Variants in OCLN observed in about 807,000 individuals in gnomAD.
OCLN encodes the protein occludin, also known as phosphatase 1, regulatory subunit 115.
In OCLN, 21 loss-of-function variants were observed where a neutral mutation model predicts 47.9. That is an observed-to-expected ratio of 0.44 (90% CI 0.31 to 0.63). The LOEUF (loss-of-function observed/expected upper bound fraction) is 0.63. OCLN is among the 30% of genes least tolerant of loss of function. The pLI, the probability that OCLN is intolerant of heterozygous loss-of-function variation, is 0.08. For synonymous variants in OCLN, 117 were observed against 198.4 expected (o/e 0.59, Z 3.45); for missense variants, 360 against 571.0 (o/e 0.63, Z 3.77).
At chr5:69,533,897 T>G (rs919537101) in intron 4 of OCLN, among the ~76,000 whole-genome samples, 2 of 152,180 alleles carry the variant, frequency 1.3e-5, no homozygotes, top group East Asian at 1.9e-4. Flanking sequence ...CCTGACCTCA[T>G]GATCCACCCG....
chr5:69,547,596 A>G (rs1769744147), intron 6 of OCLN, among the ~76,000 whole-genome samples: 1 of 138,356 alleles, frequency 7.2e-6, no homozygotes, highest in African/African-American at 2.8e-5. Flanking sequence ...GAAAAGAAAA[A>G]CTTTATAAAC....
At chr5:69,526,145 C>T (rs1377574416) in intron 4 of OCLN, among the ~76,000 whole-genome samples, 1 of 152,156 alleles carries the variant, frequency 6.6e-6, no homozygotes, top group African/African-American at 2.4e-5. Context: ...ATTGAAACAG[C>T]CCACTCACTC....
At chr5:69,514,151 C>A in intron 4 of OCLN, 42 bp downstream of exon 4, 1 of 1,547,820 alleles carries the variant, frequency 6.5e-7, no homozygotes, top group Non-Finnish European at 8.9e-7. Flanking sequence ...ATTAAAGCCC[C>A]AAATTTGTGT....
At chr5:69,515,253 C>T (rs1201612016) in intron 4 of OCLN, among the ~76,000 whole-genome samples, 6 of 143,436 alleles carry the variant, frequency 4.2e-5, no homozygotes, top group Admixed American at 2.7e-4. Flanking sequence ...CCTAACCTCC[C>T]GGATGGGGCG....
Position 69,496,288 on chromosome 5 carries a change from C to T in OCLN, c.-69+3388C>T, listed in dbSNP as rs569683348. On this transcript the variant is annotated intron_variant, in intron 1 of 8. Coordinates refer to ENST00000396442, the MANE Select transcript of OCLN (RefSeq NM_001205254.2). ...TAATTTTTTGTATTTTTAATAGAGG[C>T]GGGGTTTCACTGTGTTAGCGGGGAT... 2.1e-4 allele frequency among the ~76,000 whole-genome samples: 32 copies of T among 151,934 alleles called. No homozygotes were observed. The East Asian group carries it at 2.3e-3, about 11-fold the overall frequency.
intron 4 of OCLN, among the ~76,000 whole-genome samples, chr5:69,519,558 TC>T (rs1231853182): frequency 3.9e-5 from 6 of 152,226 alleles, no homozygotes; most frequent in Non-Finnish European, 7.3e-5. Context: ...TTATAGTCAC[TC>T]AGATGGATAC....
rs1307504918 is a variant in OCLN at position 69,539,614 on chromosome 5, A to AC, written c.1037+4782dup. Among the ~76,000 whole-genome samples, 3 of 25,324 alleles carry AC rather than the reference A, an allele frequency of 1.2e-4. 1 individual carries two copies. The highest frequency in any genetic ancestry group is 1.8e-4 in the Non-Finnish European group (2 of 11,260). The allele number at this position is 25,324 out of a possible 152,430, so 16.6% of individuals were successfully genotyped here. Reference sequence around the variant, plus strand: ...CTGGCCAAAGTACATTGATTCCCCCACCCCCCCTTAAAATACTAGCATACC... The same window carrying AC: ...CTGGCCAAAGTACATTGATTCCCCCACCCCCCCCTTAAAATACTAGCATACC... On this transcript the variant is annotated intron_variant, in intron 5 of 8. Transcript: ENST00000396442.
chr5:69,523,921 C>T (rs762098942), intron 4 of OCLN, among the ~76,000 whole-genome samples: 9 of 152,054 alleles, frequency 5.9e-5, no homozygotes, highest in African/African-American at 1.9e-4. Flanking sequence ...GACCAAGGTG[C>T]GTAGATCAGT....
intron 1 of OCLN, among the ~76,000 whole-genome samples, chr5:69,501,731 G>A (rs1768464176): frequency 6.6e-6 from 1 of 152,136 alleles, no homozygotes. Flanking sequence ...CTTTAAAAGT[G>A]GCTTTTAAAA....
At chr5:69,518,879 T>C (rs112525315) in intron 4 of OCLN, among the ~76,000 whole-genome samples, 30 of 152,154 alleles carry the variant, frequency 2.0e-4, no homozygotes, top group African/African-American at 7.2e-4. Context: ...GAAAAACTCA[T>C]GTCTGTAATC....
At chr5:69,522,678 G>A (rs1769170977) in intron 4 of OCLN, among the ~76,000 whole-genome samples, 1 of 151,804 alleles carries the variant, frequency 6.6e-6, no homozygotes, top group Admixed American at 6.6e-5. Flanking sequence ...CAGAAAAGTT[G>A]CAATTATAGT....
Position 69,553,605 on chromosome 5 carries a change from G to A in OCLN, c.1503G>A (p.Lys501=), listed in dbSNP as rs1769892421. The A allele has an allele frequency of 2.5e-6, 4 of 1,613,962 alleles. No individual in the cohort carries two copies. Among genetic ancestry groups the A allele is most frequent in the Non-Finnish European group, 3.4e-6 (4 of 1,179,986 alleles). Residue 501 remains lysine (K), a synonymous_variant, in exon 9 of 9, where the codon AAG becomes AAA. Transcript: ENST00000396442. ...ACAAAAGTAAGAAGAATCATTGCAA[G>A]CAGTTAAAGAGCAAATTGTCACACA... ...ADYKSKKNHC[K]QLKSKLSHIK... is the part of the protein sequence containing the mutation.
At chr5:69,506,504 C>T (rs1028247332) in intron 2 of OCLN, among the ~76,000 whole-genome samples, 1 of 152,074 alleles carries the variant, frequency 6.6e-6, no homozygotes. Flanking sequence ...AAATCATTGG[C>T]CATTGGTGAG....
intron 4 of OCLN, among the ~76,000 whole-genome samples, chr5:69,533,359 G>A (rs1385961755): frequency 6.6e-6 from 1 of 152,020 alleles, no homozygotes; most frequent in East Asian, 1.9e-4. Context: ...TTTTTTATAA[G>A]CAAGTTTTTA....
intron 4 of OCLN, among the ~76,000 whole-genome samples, chr5:69,521,881 G>A (rs1405343950): frequency 1.3e-5 from 2 of 152,140 alleles, no homozygotes; most frequent in African/African-American, 2.4e-5. Context: ...GCATGGCTTA[G>A]TTTTCCGTGA....
Position 69,509,134 on chromosome 5 carries a change from A to T in OCLN, c.51-7A>T. On this transcript the variant is annotated splice_region_variant and splice_polypyrimidine_tract_variant and intron_variant, in intron 2 of 8. Coordinates refer to ENST00000396442, the MANE Select transcript of OCLN (RefSeq NM_001205254.2). ...CTAACTTGAAATTATTTTCATGTTC[A>T]TTTCAGCAAACCGAATCATTATGCA... 6.2e-7 allele frequency: 1 copy of T among 1,612,956 alleles called. No individual in the cohort carries two copies. The highest frequency in any genetic ancestry group is 1.1e-5 in the South Asian group (1 of 91,070).
At chr5:69,537,154 A>G (rs1288993210) in intron 5 of OCLN, among the ~76,000 whole-genome samples, 1 of 150,458 alleles carries the variant, frequency 6.6e-6, no homozygotes, top group African/African-American at 2.5e-5. Context: ...GTATAGATAT[A>G]TAGATATAGA....
intron 1 of OCLN, among the ~76,000 whole-genome samples, chr5:69,498,143 A>T (rs28454073): frequency 0.87 from 131,090 of 151,400 alleles, 56,913 homozygotes; most frequent in South Asian, 0.9. Context: ...AAAAAAAAAA[A>T]GAACGATTAT....
intron 2 of OCLN, among the ~76,000 whole-genome samples, chr5:69,506,774 G>C (rs906859549): frequency 1.3e-5 from 2 of 152,126 alleles, no homozygotes; most frequent in Non-Finnish European, 1.5e-5. Context: ...CTCCTTACTA[G>C]TGCCTAAAAC....
Sources: gnomAD v4.1 joint callset for allele counts (sites outside exome capture counted in the v4.1 genomes callset) on GRCh38, gnomAD v4.1.1 for gene constraint, MANE v1.5 for transcripts, NCBI Gene and HGNC (gene_info 2026-07-23, HGNC 2026-07-21) for gene names.